HSP90AA1: variants seen among roughly 807,000 people sequenced by gnomAD.
HSP90AA1 encodes heat shock protein 90 alpha family class A member 1, also known as heat shock protein HSP 90-alpha.
HSP90AA1 carries 18 observed loss-of-function variants against 73.3 expected under a neutral mutation model. That is an observed-to-expected ratio of 0.25 (90% CI 0.17 to 0.36). HSP90AA1 has a LOEUF of 0.36. Among genes scored for constraint, HSP90AA1 ranks in the 10% least tolerant of loss-of-function variants. HSP90AA1 has a pLI of 1.00. For missense variants in HSP90AA1, 704 were observed against 874.2 expected, an observed-to-expected ratio of 0.81 and a Z score of 2.45; for synonymous variants, 477 against 296.9, an observed-to-expected ratio of 1.61 and a Z score of -6.24.
At position 102,080,957 on chromosome 14, in the gene HSP90AA1, T is replaced by A. The variant is rs566878846; in HGVS notation, c.*755A>T. The A allele has an allele frequency of 4.4e-6, 1 of 227,720 alleles. No individual in the cohort carries two copies. Among genetic ancestry groups the A allele is most frequent in the South Asian group, 1.8e-4 (1 of 5,498 alleles). 14.1% of individuals were successfully genotyped at this position (227,720 alleles called of 1,614,324 possible). A position where few individuals can be genotyped will look rare whatever the true frequency, so the allele number is the denominator to read the frequency against. ...CCTTGGAGCAGCTAGTGTTTAACCA[T>A]CTCCTGCTAGCGCCTCATGTTTTAC... On this transcript the variant is annotated 3_prime_UTR_variant, in exon 11 of 11. Coordinates refer to ENST00000216281, the MANE Select transcript of HSP90AA1 (RefSeq NM_005348.4).
At chr14:102,105,034 TAAAAAA>T (rs35769966) in intron 1 of HSP90AA1, among the ~76,000 whole-genome samples, 1 of 97,490 alleles carries the variant, frequency 1.0e-5, no homozygotes, top group African/African-American at 3.9e-5. Context: ...TCATCTCTAC[TAAAAAA>T]AAAAAAAAAA....
chr14:102,119,661 G>C (rs1341078668), intron 1 of HSP90AA1, among the ~76,000 whole-genome samples: 1 of 152,070 alleles, frequency 6.6e-6, no homozygotes, highest in African/African-American at 2.4e-5. Context: ...GCTAATTTTT[G>C]TATTTTCAGT....
At chr14:102,093,140 G>C (rs2049380315) in intron 2 of HSP90AA1, among the ~76,000 whole-genome samples, 1 of 151,502 alleles carries the variant, frequency 6.6e-6, no homozygotes, top group African/African-American at 2.4e-5. Flanking sequence ...AAATTAAGTG[G>C]TTCATACTTA....
At chr14:102,131,790 T>C (rs562926520) in intron 1 of HSP90AA1, among the ~76,000 whole-genome samples, 1 of 152,354 alleles carries the variant, frequency 6.6e-6, no homozygotes, top group Non-Finnish European at 1.5e-5. Context: ...TGCTGATCAC[T>C]ACATGATGTA....
upstream of HSP90AA1, among the ~76,000 whole-genome samples, chr14:102,088,878 C>T (rs2049310584): frequency 6.6e-6 from 1 of 151,618 alleles, no homozygotes; most frequent in South Asian, 2.1e-4. Flanking sequence ...CATCCAGGGC[C>T]CTAACTCTGA....
chr14:102,126,708 T>G (rs1015247392), intron 1 of HSP90AA1, among the ~76,000 whole-genome samples: 8 of 152,080 alleles, frequency 5.3e-5, no homozygotes, highest in Admixed American at 2.0e-4. Context: ...TTTTGTACTT[T>G]TAGTAGAGAT....
Position 102,085,961 on chromosome 14 carries a change from G to A in HSP90AA1, c.326C>T (p.Thr109Ile), listed in dbSNP as rs1295688596. ...TKADLINNLG[T>I]IAKSGTKAFM... ...CGCTTTGGTCCCAGACTTGGCGATA[G>A]TACCAAGGTTATTGATCAAGTCAGC... Residue 109 changes from threonine to isoleucine, a missense_variant, in exon 3 of 11, where the codon ACT (threonine) becomes ATT (isoleucine). Physicochemically the swap from Thr to Ile is moderately conservative, Grantham distance 89. Transcript: ENST00000216281. The A allele has an allele frequency of 1.9e-6, 3 of 1,613,884 alleles. No homozygotes were observed. Among genetic ancestry groups the A allele is most frequent in the Non-Finnish European group, 2.5e-6 (3 of 1,179,784 alleles).
chr14:102,108,263 CAAAAAAAAA>C (rs34157305), intron 1 of HSP90AA1, among the ~76,000 whole-genome samples: 15 of 79,882 alleles, frequency 1.9e-4, no homozygotes, highest in Middle Eastern at 5.8e-3. Flanking sequence ...ACCTTGTCTC[CAAAAAAAAA>C]AAAAAAAAAA....
chr14:102,116,033 GCTCTGC>G (rs1461662054), intron 1 of HSP90AA1, among the ~76,000 whole-genome samples: 1 of 149,420 alleles, frequency 6.7e-6, no homozygotes, highest in Non-Finnish European at 1.5e-5. Flanking sequence ...CTCACTGCAA[GCTCTGC>G]CTCCCGGGTT....
intron 9 of HSP90AA1, 89 bp downstream of exon 9, chr14:102,082,945 G>C: frequency 1.5e-6 from 2 of 1,359,976 alleles, no homozygotes; most frequent in Non-Finnish European, 2.1e-6. Flanking sequence ...TCTGTTTTAA[G>C]TTGAAAACAT....
intron 1 of HSP90AA1, among the ~76,000 whole-genome samples, chr14:102,133,726 G>A (rs186463793): frequency 1.7e-3 from 257 of 151,928 alleles, no homozygotes; most frequent in African/African-American, 6.0e-3. Context: ...CAGATGATCC[G>A]CCCGCCTCAG....
At position 102,083,637 on chromosome 14, in the gene HSP90AA1, G is replaced by A; in HGVS notation, c.1395C>T (p.Tyr465=). Residue 465 remains tyrosine, a synonymous_variant, in exon 8 of 11, where the codon TAC becomes TAT. Coordinates refer to ENST00000216281, the MANE Select transcript of HSP90AA1 (RefSeq NM_005348.4). ...NRKKLSELLR[Y]YTSASGDEMV... Reference sequence around the variant, plus strand: ...TCTCATCACCAGAGGCAGATGTGTAGTACCTTAACAGCTCTGAAAGCTTCT... The same window carrying A: ...TCTCATCACCAGAGGCAGATGTGTAATACCTTAACAGCTCTGAAAGCTTCT... 1 of 1,612,206 alleles carries A rather than the reference G, an allele frequency of 6.2e-7. No individual in the cohort carries two copies. Among genetic ancestry groups the A allele is most frequent in the South Asian group, 1.1e-5 (1 of 91,014 alleles).
At chr14:102,129,827 G>T (rs2049886222) in intron 1 of HSP90AA1, among the ~76,000 whole-genome samples, 1 of 151,660 alleles carries the variant, frequency 6.6e-6, no homozygotes, top group South Asian at 2.1e-4. Flanking sequence ...TATCATAGCT[G>T]ATTAATATTC....
intron 9 of HSP90AA1, 82 bp from the exon 10 acceptor site, chr14:102,082,526 A>C (rs773284008): frequency 8.7e-6 from 9 of 1,036,902 alleles, no homozygotes; most frequent in Non-Finnish European, 1.0e-5. Flanking sequence ...GTAGAACCCA[A>C]ATTTCAATAG....
At chr14:102,081,934 C>G in intron 10 of HSP90AA1, 113 bp from the exon 11 acceptor site, 2 of 785,198 alleles carry the variant, frequency 2.5e-6, no homozygotes, top group South Asian at 1.4e-5. Flanking sequence ...ATATGAGTCT[C>G]AATTTCATTT....
rs1566718470 is a variant in HSP90AA1 at position 102,083,308 on chromosome 14, GTA to G, written c.1487-8_1487-7del. 10 of 1,613,968 alleles carry G rather than the reference GTA, an allele frequency of 6.2e-6. No homozygotes were observed. The highest frequency in any genetic ancestry group is 8.5e-6 in the Non-Finnish European group (10 of 1,179,892). ...TACCTGGTCCTTGGTCTCACCTGAG[GTA>G]TTACAAAGTTACTTTTAGACCTTTT... On this transcript the variant is annotated splice_polypyrimidine_tract_variant and splice_region_variant and intron_variant, in intron 8 of 10. Coordinates refer to ENST00000216281, the MANE Select transcript of HSP90AA1 (RefSeq NM_005348.4).
At position 102,082,141 on chromosome 14, in the gene HSP90AA1, T is replaced by C; in HGVS notation, c.2059A>G (p.Arg687Gly). 8 of 1,613,510 alleles carry C rather than the reference T, an allele frequency of 5.0e-6. No homozygotes were observed. Among genetic ancestry groups the C allele is most frequent in the Non-Finnish European group, 6.8e-6 (8 of 1,179,434 alleles). Reference protein sequence around the residue: ...SLEDPQTHANRIYRMIKLGLG... With the variant: ...SLEDPQTHANGIYRMIKLGLG... ...CCAAGTTTGATCATCCTGTAGATCCTGTTAGCATGTGTCTGGGGATCTTCC... is the reference window on the plus strand; with the variant it reads ...CCAAGTTTGATCATCCTGTAGATCCCGTTAGCATGTGTCTGGGGATCTTCC... The change falls in exon 10 of 11, where the codon AGG becomes GGG. Residue 687 changes from arginine to glycine, a missense_variant. Coordinates refer to ENST00000216281, the MANE Select transcript of HSP90AA1 (RefSeq NM_005348.4).
chr14:102,129,737 A>C (rs1352237480), intron 1 of HSP90AA1, among the ~76,000 whole-genome samples: 1 of 151,516 alleles, frequency 6.6e-6, no homozygotes, highest in Non-Finnish European at 1.5e-5. Flanking sequence ...ACCCCTGACC[A>C]TGTGATCTGC....
intron 8 of HSP90AA1, 78 bp downstream of exon 8, chr14:102,083,464 GCTAC>G (rs751644305): frequency 1.0e-4 from 149 of 1,447,540 alleles, no homozygotes; most frequent in Non-Finnish European, 1.2e-4. Context: ...TTGTAACAGT[GCTAC>G]CTGAGTAGAA....
Sources: gnomAD v4.1 joint callset for allele counts (sites outside exome capture counted in the v4.1 genomes callset) on GRCh38, gnomAD v4.1.1 for gene constraint, MANE v1.5 for transcripts, NCBI Gene and HGNC (gene_info 2026-07-23, HGNC 2026-07-21) for gene names.